The following DNAAF11 variants were observed in gnomAD, a reference collection of about 807,000 sequenced individuals.
DNAAF11 encodes leucine rich repeat containing 6.
Under a neutral mutation model 60.8 loss-of-function variants are expected in DNAAF11, and 45 were observed. The ratio of observed to expected loss-of-function variants is 0.74; its 90% CI spans 0.58 to 0.95. The LOEUF is 0.95. Among genes scored for constraint, DNAAF11 ranks in the 40% least tolerant of loss-of-function variants. The pLI is 0.00. For synonymous variants in DNAAF11, 191 were observed against 183.5 expected (o/e 1.04, Z -0.33); for missense variants, 546 against 546.2 (o/e 1.00, Z 0.00).
rs190557067 is a variant in DNAAF11, at chr8:132,653,395, T to C, written c.256+3435A>G. 1.8e-4 allele frequency among the ~76,000 whole-genome samples: 27 copies of C among 152,230 alleles called. No homozygotes were observed. In the East Asian group the frequency reaches 5.0e-3, roughly 28 times the overall value. ...ATGCTACAAGAAATAGTAAAGAGTG[T>C]TTTTTAGGCTGAAATGAAAAGACAC... On this transcript the variant is annotated intron_variant, in intron 3 of 11. Transcript: ENST00000620350.
intron 4 of DNAAF11, among the ~76,000 whole-genome samples, chr8:132,633,480 T>A (rs959916884): frequency 6.6e-6 from 1 of 152,170 alleles, no homozygotes; most frequent in African/African-American, 2.4e-5. Context: ...AATATTAAAA[T>A]AAAAGCATCA....
rs182849989 is a variant in DNAAF11, at chr8:132,600,462, C to T, written c.1140+9704G>A. ...TGTAACCAAAAAAGGGCCCGCATTG[C>T]CAAGAAAATCCTAAGCAAAAAGAAC... On this transcript the variant is annotated intron_variant, in intron 10 of 11. Transcript: ENST00000620350. Among the ~76,000 whole-genome samples, 18 of 152,268 alleles carry T rather than the reference C, an allele frequency of 1.2e-4. No individual in the cohort carries two copies. The East Asian group carries it at 3.3e-3, about 28-fold the overall frequency.
chr8:132,581,661 C>CAAAA (rs59380140), intron 11 of DNAAF11, among the ~76,000 whole-genome samples: 38 of 82,912 alleles, frequency 4.6e-4, no homozygotes, highest in Non-Finnish European at 5.4e-4. Context: ...GACTCTGCCT[C>CAAAA]AAAAAAAAAA....
chr8:132,592,213 G>A (rs1816538073), intron 10 of DNAAF11, among the ~76,000 whole-genome samples: 1 of 152,156 alleles, frequency 6.6e-6, no homozygotes, highest in South Asian at 2.1e-4. Context: ...GAGAAAACAA[G>A]TCAGCACACA....
At chr8:132,609,554 A>G (rs1457623110) in intron 10 of DNAAF11, among the ~76,000 whole-genome samples, 1 of 152,124 alleles carries the variant, frequency 6.6e-6, no homozygotes, top group East Asian at 1.9e-4. Context: ...TGACCTAAGA[A>G]GTTCCAGAGG....
At chr8:132,636,395 G>A (rs1242521351) in intron 4 of DNAAF11, among the ~76,000 whole-genome samples, 1 of 152,138 alleles carries the variant, frequency 6.6e-6, no homozygotes, top group African/African-American at 2.4e-5. Context: ...TCCCACCTGT[G>A]TCACTTGCCA....
the DNAAF11 span, among the ~76,000 whole-genome samples, chr8:132,687,898 T>C: frequency 1.3e-5 from 2 of 152,168 alleles, no homozygotes; most frequent in Non-Finnish European, 2.9e-5. Flanking sequence ...TTCTTGAGAG[T>C]ATTTAAGCTA....
At chr8:132,687,699 T>C in the DNAAF11 span, 1 of 456,268 alleles carries the variant, frequency 2.2e-6, no homozygotes, top group East Asian at 7.0e-5. Flanking sequence ...GATAAGTGAC[T>C]TGCCCAAGGT....
At chr8:132,619,886 G>A (rs555163089) in intron 7 of DNAAF11, among the ~76,000 whole-genome samples, 1 of 152,310 alleles carries the variant, frequency 6.6e-6, no homozygotes, top group East Asian at 1.9e-4. Flanking sequence ...TGGATGGGAA[G>A]TTCACCGTCA....
At chr8:132,698,265 A>G in the DNAAF11 span, among the ~76,000 whole-genome samples, 1 of 152,084 alleles carries the variant, frequency 6.6e-6, no homozygotes, top group Non-Finnish European at 1.5e-5. Flanking sequence ...ATCCTCATAT[A>G]CTCTTCATTT....
chr8:132,637,511 A>G (rs2130533551), intron 4 of DNAAF11, among the ~76,000 whole-genome samples: 2 of 152,272 alleles, frequency 1.3e-5, no homozygotes, highest in South Asian at 4.1e-4. Flanking sequence ...AAGCTGAGGC[A>G]GGACAATCAC....
intron 5 of DNAAF11, among the ~76,000 whole-genome samples, chr8:132,630,141 G>A (rs1011933128): frequency 1.3e-5 from 2 of 152,008 alleles, no homozygotes; most frequent in African/African-American, 2.4e-5. Flanking sequence ...GATTAGCAGC[G>A]GATTCTAAAA....
intron 2 of DNAAF11, among the ~76,000 whole-genome samples, chr8:132,659,342 T>G (rs1298120795): frequency 6.6e-6 from 1 of 152,190 alleles, no homozygotes; most frequent in Non-Finnish European, 1.5e-5. Flanking sequence ...TAAATGCCTA[T>G]GGGTGGAGTA....
At chr8:132,649,078 G>T (rs1488526155) in intron 3 of DNAAF11, among the ~76,000 whole-genome samples, 1 of 152,124 alleles carries the variant, frequency 6.6e-6, no homozygotes, top group East Asian at 1.9e-4. Context: ...TAAGCAAAAA[G>T]AACAAAGCTG....
chr8:132,658,955 CTAGT>C (rs1318184369), intron 2 of DNAAF11, among the ~76,000 whole-genome samples: 1 of 152,136 alleles, frequency 6.6e-6, no homozygotes, highest in Non-Finnish European at 1.5e-5. Flanking sequence ...CCAGACCATT[CTAGT>C]AACAGTTCTC....
At chr8:132,619,363 G>A (rs149076671) in intron 7 of DNAAF11, among the ~76,000 whole-genome samples, 2,153 of 152,206 alleles carry the variant, frequency 0.014, 26 homozygotes, top group Non-Finnish European at 0.021. Flanking sequence ...ACGAGTTAGT[G>A]GGTGCAGCGC....
chr8:132,610,109 G>T, intron 10 of DNAAF11, 57 bp downstream of exon 10: 1 of 1,255,636 alleles, frequency 8.0e-7, no homozygotes, highest in Non-Finnish European at 1.2e-6. Flanking sequence ...GACAGGTCAA[G>T]TTCCTTCAGG....
At chr8:132,635,950 G>A (rs541631577) in intron 4 of DNAAF11, among the ~76,000 whole-genome samples, 1 of 152,120 alleles carries the variant, frequency 6.6e-6, no homozygotes, top group Non-Finnish European at 1.5e-5. Context: ...AGGAGGGAGG[G>A]CATGAAGCAG....
At chr8:132,649,634 T>C (rs547957804) in intron 3 of DNAAF11, among the ~76,000 whole-genome samples, 72 of 152,268 alleles carry the variant, frequency 4.7e-4, no homozygotes, top group Middle Eastern at 3.4e-3. Context: ...AAAGGGATAA[T>C]ATCCAGAATC....
Sources: allele counts gnomAD v4.1 joint callset (sites outside exome capture counted in the v4.1 genomes callset), GRCh38; gene constraint gnomAD v4.1.1; transcripts MANE v1.5; gene names NCBI Gene and HGNC (gene_info 2026-07-23, HGNC 2026-07-21).